Variants in CPSF6 observed in about 807,000 individuals in gnomAD.
CPSF6 encodes cleavage and polyadenylation specificity factor subunit 6.
A neutral mutation model predicts 56.7 loss-of-function variants in CPSF6; 10 were observed. The observed-to-expected ratio is 0.18, with a 90% confidence interval of 0.11 to 0.30. The LOEUF is 0.30. Among genes scored for constraint, CPSF6 ranks in the 10% least tolerant of loss-of-function variants. CPSF6 has a pLI of 1.00. For missense variants in CPSF6, 419 were observed against 722.9 expected, an observed-to-expected ratio of 0.58 and a Z score of 4.82; for synonymous variants, 248 against 244.8, an observed-to-expected ratio of 1.01 and a Z score of -0.12.
In CPSF6 at chr12:69,258,880, G is replaced by A. The variant is rs777746807; in HGVS notation, c.985G>A (p.Gly329Ser). 1.9e-6 allele frequency: 3 copies of A among 1,613,918 alleles called. No individual in the cohort carries two copies. Among genetic ancestry groups the A allele is most frequent in the Admixed American group, 1.7e-5 (1 of 59,980 alleles). The change falls in exon 6 of 10, where the codon GGT becomes AGT. Residue 329 changes from glycine to serine, a missense_variant. This residue lies in a region of CPSF6 where 211 missense variants were observed against 296.0 expected (regional missense o/e 0.71). Transcript: ENST00000435070. The surrounding 1 kb of genome is among the most constrained non-coding windows in gnomAD (Gnocchi z 4.2). ...AGGCCCCTTTCCACCTCGTCCACCC[G>A]GTCCACTTGGGCCACCCCTTACACT... Reference protein sequence around the residue: ...PPGPFPPRPPGPLGPPLTLAP... With the variant: ...PPGPFPPRPPSPLGPPLTLAP...
rs1045152259 is a variant in CPSF6 at position 69,271,569 on chromosome 12, A to G, written c.*2061A>G. 2 of 151,694 alleles carry G rather than the reference A, an allele frequency of 1.3e-5. No individual in the cohort carries two copies. Among genetic ancestry groups the G allele is most frequent in the African/African-American group, 4.8e-5 (2 of 41,396 alleles). 9.4% of individuals were successfully genotyped at this position (151,694 alleles called of 1,614,324 possible). ...GGAACCTTTTAATTGCTCCTTCTAT[A>G]TCACTCTTCTCCTTGCTTGGCTGAT... On this transcript the variant is annotated 3_prime_UTR_variant, in exon 10 of 10. Coordinates refer to ENST00000435070, the MANE Select transcript of CPSF6 (RefSeq NM_007007.3).
intron 1 of CPSF6, among the ~76,000 whole-genome samples, chr12:69,247,458 A>C (rs1327679430): frequency 6.6e-6 from 1 of 152,136 alleles, no homozygotes; most frequent in Non-Finnish European, 1.5e-5. Flanking sequence ...AACAGCAGAT[A>C]AGATTGGGCA....
Position 69,258,025 on chromosome 12 carries a change from T to C in CPSF6, c.694+120T>C. 6.5e-7 allele frequency: 1 copy of C among 1,540,964 alleles called. No individual in the cohort carries two copies. The highest frequency in any genetic ancestry group is 1.2e-5 in the South Asian group (1 of 84,460). On this transcript the variant is annotated intron_variant, in intron 5 of 9. Transcript: ENST00000435070. This position sits in a 1 kb window ranked among gnomAD's most constrained non-coding sequence, Gnocchi z 4.2. The stretch of plus-strand genomic sequence containing the variant: ...CTTACTCTCCTTGTTATGCTATTTT[T>C]GGAATCCAGGAAATTTGATCAAGCA...
chr12:69,266,237 T>G (rs528511636), intron 9 of CPSF6, among the ~76,000 whole-genome samples: 10 of 152,002 alleles, frequency 6.6e-5, no homozygotes, highest in African/African-American at 2.4e-4. Flanking sequence ...CCTGTTTCCT[T>G]GTTTTCCCAT....
At chr12:69,247,532 T>C (rs1407590721) in intron 1 of CPSF6, among the ~76,000 whole-genome samples, 1 of 152,190 alleles carries the variant, frequency 6.6e-6, no homozygotes, top group East Asian at 1.9e-4. Context: ...TGAATGCCAT[T>C]AAAATTAAAA....
chr12:69,273,471 A>G lies in CPSF6; in HGVS notation c.*3963A>G, dbSNP rs1873349223. On this transcript the variant is annotated 3_prime_UTR_variant, in exon 10 of 10. Transcript: ENST00000435070. ...GAAGTCACACACATCTTGAAGTGGT[A>G]ACTGCATAGTAAATACTACCAAGAG... The G allele has an allele frequency of 6.3e-6, 1 of 158,794 alleles. No individual in the cohort carries two copies. 9.8% of individuals were successfully genotyped at this position (158,794 alleles called of 1,614,324 possible).
chr12:69,251,191 A>C lies in CPSF6; in HGVS notation c.123A>C (p.Ala41=), dbSNP rs762530765. The part of the protein sequence containing the change: ...DLYDDVISPS[A]NNGDAPEDRD... ...ATGACGATGTCATATCTCCATCTGC[A>C]AATAATGGAGATGCCCCAGAAGACC... Residue 41 remains alanine, a synonymous_variant, in exon 2 of 10, where the codon GCA becomes GCC. Coordinates refer to ENST00000435070, the MANE Select transcript of CPSF6 (RefSeq NM_007007.3). The C allele has an allele frequency of 3.7e-6, 6 of 1,612,912 alleles. No individual in the cohort carries two copies. The Admixed American group carries it at 1.0e-4, about 27-fold the overall frequency.
chr12:69,268,533 A>G (rs1873100116), intron 9 of CPSF6, among the ~76,000 whole-genome samples: 1 of 151,786 alleles, frequency 6.6e-6, no homozygotes, highest in Admixed American at 6.6e-5. Context: ...AAATATCACT[A>G]AACTGTGCCC....
intron 1 of CPSF6, among the ~76,000 whole-genome samples, chr12:69,243,207 T>G (rs183854032): frequency 9.1e-4 from 139 of 152,310 alleles, no homozygotes; most frequent in Admixed American, 5.1e-3. Context: ...GTAGGGGAGC[T>G]GAGAGATACC....
At chr12:69,265,689 ACCTC>A (rs1872945897) in intron 9 of CPSF6, among the ~76,000 whole-genome samples, 5 of 139,880 alleles carry the variant, frequency 3.6e-5, no homozygotes, top group Admixed American at 2.3e-4. Flanking sequence ...CACAACCTTC[ACCTC>A]CTGGGTTCAA....
chr12:69,246,343 G>C (rs1021700747), intron 1 of CPSF6, among the ~76,000 whole-genome samples: 1 of 152,204 alleles, frequency 6.6e-6, no homozygotes, highest in Admixed American at 6.5e-5. Context: ...AAAACCATCT[G>C]AAATAAAGCT....
chr12:69,247,060 A>G (rs183809538), intron 1 of CPSF6, among the ~76,000 whole-genome samples: 50 of 152,346 alleles, frequency 3.3e-4, no homozygotes, highest in African/African-American at 9.4e-4. Context: ...GTTCATCCCA[A>G]TAGTGGTATA....
At chr12:69,259,184 A>G (rs1872640511) in intron 6 of CPSF6, 90 bp downstream of exon 6, 10 of 1,400,300 alleles carry the variant, frequency 7.1e-6, no homozygotes, top group Non-Finnish European at 9.5e-6. Flanking sequence ...TAAATATGTT[A>G]TTTCTGCCTT....
intron 1 of CPSF6, among the ~76,000 whole-genome samples, chr12:69,249,875 G>GT (rs1872141669): frequency 6.6e-6 from 1 of 152,018 alleles, no homozygotes; most frequent in African/African-American, 2.4e-5. Flanking sequence ...ATTTAGGCAT[G>GT]TAAGTGACAC....
At position 69,258,175 on chromosome 12, in the gene CPSF6, TTA is replaced by T; in HGVS notation, c.694+277_694+278del. ...TTATTTTTCTCCAAACTTGCTTGAC[TTA>T]TATATAGAATATTTACATCCGTCTT... On this transcript the variant is annotated intron_variant, in intron 5 of 9. Transcript: ENST00000435070. This position sits in a 1 kb window ranked among gnomAD's most constrained non-coding sequence, Gnocchi z 4.2. 8.5e-7 allele frequency: 1 copy of T among 1,182,766 alleles called. No individual in the cohort carries two copies. The highest frequency in any genetic ancestry group is 1.2e-6 in the Non-Finnish European group (1 of 834,314). 73.3% of individuals were successfully genotyped at this position (1,182,766 alleles called of 1,614,324 possible). A position where few individuals can be genotyped will look rare whatever the true frequency, so the allele number is the denominator to read the frequency against.
intron 1 of CPSF6, 47 bp downstream of exon 1, chr12:69,239,753 GC>G: frequency 6.5e-7 from 1 of 1,538,952 alleles, no homozygotes; most frequent in Non-Finnish European, 8.8e-7. Flanking sequence ...CGGCGCTGCG[GC>G]CGGGAAGCTG....
intron 9 of CPSF6, 52 bp downstream of exon 9, chr12:69,262,614 A>ATT: frequency 3.9e-6 from 6 of 1,542,750 alleles, no homozygotes; most frequent in Non-Finnish European, 5.3e-6. Context: ...AACAGTAACT[A>ATT]TAACTCCAAG....
At chr12:69,268,645 C>T (rs528324915) in intron 9 of CPSF6, among the ~76,000 whole-genome samples, 1 of 151,874 alleles carries the variant, frequency 6.6e-6, no homozygotes, top group East Asian at 1.9e-4. Context: ...TTTATACTTT[C>T]ATTACCGACT....
At chr12:69,254,931 T>A (rs187597558) in intron 3 of CPSF6, 4 of 152,372 alleles carry the variant, frequency 2.6e-5, no homozygotes, top group African/African-American at 9.6e-5. Context: ...TGCAGGCTTT[T>A]AAATGTACAA....
Sources: allele counts gnomAD v4.1 joint callset (sites outside exome capture counted in the v4.1 genomes callset), GRCh38; gene constraint gnomAD v4.1.1; regional missense constraint gnomAD v4.1.1; non-coding constraint Gnocchi (gnomAD v3.1); transcripts MANE v1.5; gene names NCBI Gene and HGNC (gene_info 2026-07-23, HGNC 2026-07-21).